The following MGRN1 variants were observed in gnomAD, a reference collection of about 807,000 sequenced individuals.
MGRN1 encodes the protein E3 ubiquitin-protein ligase MGRN1.
MGRN1 carries 29 observed loss-of-function variants against 69.2 expected under a neutral mutation model. The ratio of observed to expected loss-of-function variants is 0.42; its 90% CI spans 0.31 to 0.57. The LOEUF (loss-of-function observed/expected upper bound fraction) is 0.57, where lower values mean the gene tolerates loss of function less well. Among genes scored for constraint, MGRN1 ranks in the 20% least tolerant of loss-of-function variants. The pLI is 0.15. For missense variants in MGRN1, 998 were observed against 796.2 expected, an observed-to-expected ratio of 1.25 and a Z score of -3.05; for synonymous variants, 470 against 344.2, an observed-to-expected ratio of 1.37 and a Z score of -4.04.
chr16:4,668,679 GAC>G (rs745729475), intron 8 of MGRN1, among the ~76,000 whole-genome samples: 10 of 151,054 alleles, frequency 6.6e-5, no homozygotes, highest in East Asian at 1.9e-4. Context: ...CATATACATA[GAC>G]ACACTCGTAC....
At position 4,683,820 on chromosome 16, in the gene MGRN1, C is replaced by G. The variant is rs767590343; in HGVS notation, c.1529-23C>G. 9.9e-6 allele frequency: 16 copies of G among 1,609,894 alleles called. No homozygotes were observed. In the African/African-American group the frequency reaches 1.3e-4, roughly 13 times the overall value. On this transcript the variant is annotated intron_variant, in intron 15 of 16. Transcript: ENST00000262370. ...GGACCTGGCCCCTGCCTGTAGGTCCCTAACCTCACCCTCTGCCTGCAGGGA... is the reference window on the plus strand; with the variant it reads ...GGACCTGGCCCCTGCCTGTAGGTCCGTAACCTCACCCTCTGCCTGCAGGGA...
intron 12 of MGRN1, among the ~76,000 whole-genome samples, chr16:4,680,879 C>A (rs972003332): frequency 6.6e-6 from 1 of 152,258 alleles, no homozygotes; most frequent in Non-Finnish European, 1.5e-5. Flanking sequence ...CTCGGTCAGG[C>A]AGGCCGGGGT....
In MGRN1 at chr16:4,658,897, T is replaced by G. The variant is rs188463174; in HGVS notation, c.561+1534T>G. 5 of 152,256 alleles carry G rather than the reference T, an allele frequency of 3.3e-5. No individual in the cohort carries two copies. In the East Asian group the frequency reaches 9.7e-4, roughly 30 times the overall value. The allele number at this position is 152,256 out of a possible 1,614,324, so 9.4% of individuals were successfully genotyped here. On this transcript the variant is annotated intron_variant, in intron 5 of 16. Transcript: ENST00000262370. ...CTGTAGTCCCAGCTACTGAGGAGGC[T>G]GAGGTGGGAAGATCGCCTGAGCCTG... is the stretch of plus-strand genomic sequence containing the variant.
At chr16:4,661,042 C>A (rs1286328815) in intron 5 of MGRN1, among the ~76,000 whole-genome samples, 2 of 152,118 alleles carry the variant, frequency 1.3e-5, no homozygotes, top group Non-Finnish European at 2.9e-5. Flanking sequence ...AGTGCAGTGG[C>A]ACAATCACAG....
At chr16:4,647,380 T>C (rs1281475630) in intron 1 of MGRN1, among the ~76,000 whole-genome samples, 2 of 140,338 alleles carry the variant, frequency 1.4e-5, no homozygotes, top group Non-Finnish European at 2.9e-5. Context: ...TTAAAGACTT[T>C]GTGTATTTCA....
chr16:4,626,254 G>T (rs1487664533), intron 1 of MGRN1, among the ~76,000 whole-genome samples: 1 of 152,228 alleles, frequency 6.6e-6, no homozygotes, highest in Non-Finnish European at 1.5e-5. Flanking sequence ...ACTGTTGCCT[G>T]CCTGCTGGGG....
chr16:4,648,446 C>T (rs1282973095), intron 1 of MGRN1, among the ~76,000 whole-genome samples: 5 of 120,294 alleles, frequency 4.2e-5, no homozygotes, highest in African/African-American at 8.0e-5. Context: ...GGCTCCTCCT[C>T]TCGGGGACTC....
chr16:4,684,648 C>T, intron 16 of MGRN1, among the ~76,000 whole-genome samples: 1 of 152,260 alleles, frequency 6.6e-6, no homozygotes, highest in East Asian at 1.9e-4. Flanking sequence ...ACCCCATCAG[C>T]CAAGCACCTT....
intron 3 of MGRN1, 33 bp from the exon 4 acceptor site, chr16:4,652,645 A>AC (rs749714129): frequency 1.3e-6 from 2 of 1,586,124 alleles, no homozygotes; most frequent in Non-Finnish European, 1.7e-6. Flanking sequence ...GGGGCCGCTG[A>AC]CCCGCTGCCT....
chr16:4,625,774 G>A (rs1387475829), intron 1 of MGRN1, among the ~76,000 whole-genome samples: 2 of 152,228 alleles, frequency 1.3e-5, no homozygotes, highest in African/African-American at 4.8e-5. Flanking sequence ...CTCTATTGAT[G>A]AGTTATGTGT....
chr16:4,638,487 C>T (rs555674338), intron 1 of MGRN1, among the ~76,000 whole-genome samples: 1 of 151,130 alleles, frequency 6.6e-6, no homozygotes, highest in African/African-American at 2.5e-5. Context: ...AAATAAATAT[C>T]TCAGCCCATG....
intron 11 of MGRN1, among the ~76,000 whole-genome samples, chr16:4,679,496 CAGAA>C (rs983156605): frequency 6.7e-6 from 1 of 148,610 alleles, no homozygotes; most frequent in Admixed American, 6.7e-5. Flanking sequence ...CACGTAGTGA[CAGAA>C]AGAGCCACCG....
intron 1 of MGRN1, among the ~76,000 whole-genome samples, chr16:4,642,466 T>TTG (rs143119735): frequency 0.078 from 11,116 of 141,694 alleles, 484 homozygotes; most frequent in Admixed American, 0.14. Context: ...GCCAGCTAAT[T>TTG]TGTGTGTGTG....
Position 4,688,461 on chromosome 16 carries a change from A to G in MGRN1, c.1619-335A>G, listed in dbSNP as rs948148855. 6.3e-6 allele frequency: 7 copies of G among 1,110,686 alleles called. No individual in the cohort carries two copies. The African/African-American group carries it at 6.4e-5, about 10-fold the overall frequency. The allele number at this position is 1,110,686 out of a possible 1,614,324, so 68.8% of individuals were successfully genotyped here. On this transcript the variant is annotated intron_variant, in intron 16 of 16. Coordinates refer to ENST00000262370, the MANE Select transcript of MGRN1 (RefSeq NM_015246.4). ...AACCTTGGCAGGACAGTGGCTGGCC[A>G]CATCCCAGGAAACCGGAACCAGGGC...
At chr16:4,671,357 G>C in intron 8 of MGRN1, 34 bp from the exon 9 acceptor site, 1 of 1,609,442 alleles carries the variant, frequency 6.2e-7, no homozygotes, top group Non-Finnish European at 8.5e-7. Flanking sequence ...ATGGCAGTTG[G>C]CGAGGGCCCA....
chr16:4,649,869 G>A (rs1020077117), intron 1 of MGRN1: 1 of 155,188 alleles, frequency 6.4e-6, no homozygotes, highest in African/African-American at 2.4e-5. Flanking sequence ...GAAGGCCCGA[G>A]GCCAGGTGGC....
chr16:4,664,232 G>C (rs2078749067), intron 5 of MGRN1: 1 of 217,348 alleles, frequency 4.6e-6, no homozygotes, highest in Non-Finnish European at 9.3e-6. Flanking sequence ...CTGCACCGTG[G>C]GTGAACTTTG....
chr16:4,658,264 G>T (rs532044565), intron 5 of MGRN1, among the ~76,000 whole-genome samples: 5 of 151,704 alleles, frequency 3.3e-5, no homozygotes, highest in African/African-American at 1.2e-4. Flanking sequence ...GGCCGGGCGC[G>T]GTGGCTCATG....
At chr16:4,659,235 CTCTG>C (rs1415503831) in intron 5 of MGRN1, 1 of 152,178 alleles carries the variant, frequency 6.6e-6, no homozygotes, top group African/African-American at 2.4e-5. Context: ...TGGGTGGAGT[CTCTG>C]TCCTCTCCCG....
Sources: allele counts gnomAD v4.1 joint callset (sites outside exome capture counted in the v4.1 genomes callset), GRCh38; gene constraint gnomAD v4.1.1; transcripts MANE v1.5; gene names NCBI Gene and HGNC (gene_info 2026-07-23, HGNC 2026-07-21).